Variants in VPS41 observed in about 807,000 individuals in gnomAD.
The protein encoded by VPS41 is vacuolar protein sorting-associated protein 41 homolog.
Under a neutral mutation model 130.9 loss-of-function variants are expected in VPS41, and 85 were observed. That is an observed-to-expected ratio of 0.65 (90% confidence interval 0.55 to 0.78). VPS41 has a LOEUF of 0.78. Ranked by LOEUF, VPS41 falls within the 30% of genes least tolerant of loss-of-function variation. The pLI is 0.00. For missense variants in VPS41, 874 were observed against 1,018.7 expected (o/e 0.86, Z 1.93); for synonymous variants, 335 against 332.9 (o/e 1.01, Z -0.07).
At chr7:38,854,972 A>T (rs1473809173) in intron 4 of VPS41, among the ~76,000 whole-genome samples, 1 of 151,958 alleles carries the variant, frequency 6.6e-6, no homozygotes, top group African/African-American at 2.4e-5. Flanking sequence ...GCACTTTGGC[A>T]GGCCGAGGTG....
At chr7:38,802,762 C>T (rs1784756596) in intron 7 of VPS41, among the ~76,000 whole-genome samples, 1 of 152,082 alleles carries the variant, frequency 6.6e-6, no homozygotes, top group Non-Finnish European at 1.5e-5. Context: ...ATAAAACTGC[C>T]CACAGACCTA....
chr7:38,844,797 C>G (rs1441267460), intron 4 of VPS41, among the ~76,000 whole-genome samples: 1 of 152,034 alleles, frequency 6.6e-6, no homozygotes, highest in African/African-American at 2.4e-5. Flanking sequence ...CTTATGAGAC[C>G]ATAGAAAATG....
At chr7:38,802,730 TA>T (rs1375839307) in intron 7 of VPS41, among the ~76,000 whole-genome samples, 1 of 152,224 alleles carries the variant, frequency 6.6e-6, no homozygotes, top group African/African-American at 2.4e-5. Context: ...CATTTAATAA[TA>T]TCCATTTTTT....
chr7:38,789,830 C>G lies in VPS41; in HGVS notation c.755G>C (p.Arg252Thr). Residue 252 changes from arginine to threonine, a missense_variant, in exon 10 of 29, where the codon AGG becomes ACG. Arg to Thr is a moderately conservative substitution (Grantham distance 71, BLOSUM62 -1). Coordinates refer to ENST00000310301, the MANE Select transcript of VPS41 (RefSeq NM_014396.4). ...SVKERHASEM[R>T]DLPSRYVEIV... ...TTCAACATATCGACTTGGCAAATCCCTCATTTCACTGGCATGCCGTTCCTT... is the reference window on the plus strand; with the variant it reads ...TTCAACATATCGACTTGGCAAATCCGTCATTTCACTGGCATGCCGTTCCTT... 6.2e-7 allele frequency: 1 copy of G among 1,613,812 alleles called. No homozygotes were observed. The highest frequency in any genetic ancestry group is 8.5e-7 in the Non-Finnish European group (1 of 1,179,768).
At chr7:38,898,670 A>G (rs951206356) in intron 1 of VPS41, among the ~76,000 whole-genome samples, 3 of 152,204 alleles carry the variant, frequency 2.0e-5, no homozygotes, top group African/African-American at 7.2e-5. Flanking sequence ...CATCACCACT[A>G]AGACAAATTC....
chr7:38,775,920 T>A (rs186676526), intron 11 of VPS41, among the ~76,000 whole-genome samples: 1 of 152,188 alleles, frequency 6.6e-6, no homozygotes, highest in East Asian at 1.9e-4. Context: ...ATATACAGCA[T>A]CCAAAAGAAA....
chr7:38,883,283 T>C (rs1786653429), intron 2 of VPS41, among the ~76,000 whole-genome samples: 2 of 152,052 alleles, frequency 1.3e-5, no homozygotes, highest in Non-Finnish European at 2.9e-5. Context: ...AGACAAGAAA[T>C]TGACCTGTAG....
At chr7:38,901,342 A>T (rs1206749603) in intron 1 of VPS41, among the ~76,000 whole-genome samples, 2 of 152,200 alleles carry the variant, frequency 1.3e-5, no homozygotes, top group Non-Finnish European at 2.9e-5. Context: ...GTTAATTTAT[A>T]AAGAAAAGAG....
intron 4 of VPS41, among the ~76,000 whole-genome samples, chr7:38,842,463 T>G (rs1785627609): frequency 6.6e-6 from 1 of 152,220 alleles, no homozygotes; most frequent in South Asian, 2.1e-4. Context: ...CATCCCAGTT[T>G]GCCCTTGTGT....
At chr7:38,813,219 C>G (rs1028755343) in intron 7 of VPS41, among the ~76,000 whole-genome samples, 2 of 152,050 alleles carry the variant, frequency 1.3e-5, no homozygotes, top group Non-Finnish European at 2.9e-5. Flanking sequence ...ATACATGCCA[C>G]AACATTGATG....
At chr7:38,776,839 G>A (rs1199454840) in intron 10 of VPS41, 63 bp from the exon 11 acceptor site, 4 of 919,990 alleles carry the variant, frequency 4.3e-6, no homozygotes, top group Non-Finnish European at 5.4e-6. Flanking sequence ...CACATCTGGA[G>A]GAACACAATG....
intron 17 of VPS41, among the ~76,000 whole-genome samples, chr7:38,758,703 AC>A (rs774912043): frequency 4.7e-4 from 71 of 152,302 alleles, no homozygotes; most frequent in Middle Eastern, 6.8e-3. Context: ...ATAGACTGAG[AC>A]AGGATTAAAG....
At position 38,723,702 on chromosome 7, in the gene VPS41, C is replaced by A. The variant is rs1795480902; in HGVS notation, c.*2544G>T. 1 of 97,278 alleles carries A rather than the reference C, an allele frequency of 1.0e-5. No homozygotes were observed. The highest frequency in any genetic ancestry group is 4.2e-5 in the African/African-American group (1 of 23,638). 6.0% of individuals were successfully genotyped at this position (97,278 alleles called of 1,614,324 possible). On this transcript the variant is annotated 3_prime_UTR_variant, in exon 29 of 29. Coordinates refer to ENST00000310301, the MANE Select transcript of VPS41 (RefSeq NM_014396.4). ...TCATGTCACTGCACTCCAGCCAAGG[C>A]AACAGAACGAGACTCCATCTCAAAA...
rs1413849654 is a variant in VPS41, at chr7:38,869,480, C to G, written c.61-227G>C. 3.9e-5 allele frequency among the ~76,000 whole-genome samples: 6 copies of G among 152,156 alleles called. No homozygotes were observed. The South Asian group carries it at 1.2e-3, about 32-fold the overall frequency. On this transcript the variant is annotated intron_variant, in intron 2 of 28. Transcript: ENST00000310301. ...AAAGTTGAAAACAAGAGTATACAGA[C>G]TTGGTGTTATATTGTCACTAACTTT...
At chr7:38,803,269 A>G (rs1236084064) in intron 7 of VPS41, among the ~76,000 whole-genome samples, 1 of 152,172 alleles carries the variant, frequency 6.6e-6, no homozygotes, top group Non-Finnish European at 1.5e-5. Context: ...TCCCTGATGG[A>G]GTTGAAAAGA....
At chr7:38,782,096 C>T (rs1193740424) in intron 10 of VPS41, among the ~76,000 whole-genome samples, 1 of 152,170 alleles carries the variant, frequency 6.6e-6, no homozygotes, top group African/African-American at 2.4e-5. Context: ...CTGGTGTTAT[C>T]TGGACCTGTT....
rs574254443 is a variant in VPS41 at position 38,899,072 on chromosome 7, T to C, written c.22-943A>G. On this transcript the variant is annotated intron_variant, in intron 1 of 28. Coordinates refer to ENST00000310301, the MANE Select transcript of VPS41 (RefSeq NM_014396.4). ...AATACAAGTTGGACAGCGGGATAAA[T>C]GTAAATCTAGTGTTTAAAATCATTT... 1.1e-4 allele frequency among the ~76,000 whole-genome samples: 16 copies of C among 152,308 alleles called. No homozygotes were observed. The East Asian group carries it at 3.1e-3, about 29-fold the overall frequency.
intron 14 of VPS41, among the ~76,000 whole-genome samples, chr7:38,768,782 G>A (rs1480893035): frequency 6.6e-6 from 1 of 152,036 alleles, no homozygotes; most frequent in Non-Finnish European, 1.5e-5. Flanking sequence ...CTCCACTGTG[G>A]AGCTTATCCT....
chr7:38,745,607 C>T lies in VPS41; in HGVS notation c.1933G>A (p.Glu645Lys). ...ACAAAGTTTCTCTGTTGACAGATCT[C>T]AAGAGCCTTCAATTAAAGCAGGGTA... ...STHCPLEKAL[E>K]ICQQRNFVEE... The change falls in exon 23 of 29, where the codon GAG (glutamate) becomes AAG (lysine). Residue 645 changes from glutamate to lysine, a missense_variant. By Grantham distance (56) the Glu-to-Lys change is moderately conservative (BLOSUM62 1). Transcript: ENST00000310301. 6.2e-7 allele frequency: 1 copy of T among 1,602,424 alleles called. No individual in the cohort carries two copies. The highest frequency in any genetic ancestry group is 8.5e-7 in the Non-Finnish European group (1 of 1,176,770).
Sources: allele counts gnomAD v4.1 joint callset (sites outside exome capture counted in the v4.1 genomes callset), GRCh38; gene constraint gnomAD v4.1.1; transcripts MANE v1.5; gene names NCBI Gene and HGNC (gene_info 2026-07-23, HGNC 2026-07-21).